Variants in ST3GAL3 observed in about 807,000 individuals in gnomAD.
ST3GAL3 encodes ST3 beta-galactoside alpha-2,3-sialyltransferase 3, also known as CMP-N-acetylneuraminate-beta-1,4-galactoside alpha-2,3-sialyltransferase.
In ST3GAL3, 21 loss-of-function variants were observed where a neutral mutation model predicts 50.1. That is an observed-to-expected ratio of 0.42 (90% CI 0.30 to 0.60). The LOEUF (loss-of-function observed/expected upper bound fraction) is 0.60, where lower values mean the gene tolerates loss of function less well. Among genes scored for constraint, ST3GAL3 ranks in the 20% least tolerant of loss-of-function variants. The probability of loss-of-function intolerance (pLI) is 0.19; values close to 1 mark genes in which losing one functional copy is unlikely to be tolerated. For missense variants in ST3GAL3, 353 were observed against 489.4 expected, an observed-to-expected ratio of 0.72 and a Z score of 2.63; for synonymous variants, 183 against 190.0, an observed-to-expected ratio of 0.96 and a Z score of 0.30.
At chr1:43,918,105 AT>A (rs1296840171) in intron 9 of ST3GAL3, among the ~76,000 whole-genome samples, 2 of 105,386 alleles carry the variant, frequency 1.9e-5, no homozygotes, top group African/African-American at 3.1e-5. Flanking sequence ...AGACATCTAA[AT>A]TTTTTTCTTT....
rs745596648 is a variant in ST3GAL3 at position 43,894,518 on chromosome 1, C to T, written c.397+41C>T. 5.1e-6 allele frequency: 8 copies of T among 1,562,348 alleles called. No individual in the cohort carries two copies. The Admixed American group carries it at 1.0e-4, about 20-fold the overall frequency. On this transcript the variant is annotated intron_variant, in intron 6 of 11. Coordinates refer to ENST00000347631, the MANE Select transcript of ST3GAL3 (RefSeq NM_006279.5). ...TGACCTACATTAACATCTCATCCCCCCGACTGTCTCCCTGTCCTTCAGACA... is the reference window on the plus strand; with the variant it reads ...TGACCTACATTAACATCTCATCCCCTCGACTGTCTCCCTGTCCTTCAGACA...
intron 5 of ST3GAL3, among the ~76,000 whole-genome samples, chr1:43,854,248 A>G (rs996616654): frequency 5.9e-5 from 9 of 152,036 alleles, no homozygotes; most frequent in Non-Finnish European, 1.3e-4. Flanking sequence ...CCGCTTCCTC[A>G]TGTCCCTCTA....
chr1:43,857,994 G>A (rs2068935491), intron 5 of ST3GAL3: 2 of 441,204 alleles, frequency 4.5e-6, no homozygotes, highest in South Asian at 2.2e-5. Flanking sequence ...AATTTAAAAA[G>A]CAAAACCAAC....
chr1:43,834,520 C>T (rs2063998361), intron 4 of ST3GAL3, among the ~76,000 whole-genome samples: 1 of 152,166 alleles, frequency 6.6e-6, no homozygotes, highest in Non-Finnish European at 1.5e-5. Context: ...CTTACTGGAC[C>T]TCCACAGTGT....
intron 5 of ST3GAL3, among the ~76,000 whole-genome samples, chr1:43,846,920 C>T (rs1295654453): frequency 6.6e-6 from 1 of 151,992 alleles, no homozygotes; most frequent in Non-Finnish European, 1.5e-5. Context: ...TTAATGTTGT[C>T]CAGAAAATAT....
intron 2 of ST3GAL3, among the ~76,000 whole-genome samples, chr1:43,749,308 A>G (rs555286199): frequency 1.3e-5 from 2 of 152,376 alleles, no homozygotes; most frequent in South Asian, 4.1e-4. Context: ...ATATTTATCA[A>G]TTGTATCCAT....
chr1:43,735,488 G>T (rs895384388), intron 1 of ST3GAL3, among the ~76,000 whole-genome samples: 1 of 152,196 alleles, frequency 6.6e-6, no homozygotes, highest in Non-Finnish European at 1.5e-5. Context: ...TAGGCCTGAA[G>T]GCTGGCCCCT....
chr1:43,857,708 C>T (rs1040183279), intron 5 of ST3GAL3, among the ~76,000 whole-genome samples: 13 of 151,524 alleles, frequency 8.6e-5, no homozygotes, highest in African/African-American at 2.9e-4. Flanking sequence ...CTCCACCTCC[C>T]AGGTTTAAGA....
At chr1:43,753,282 A>G (rs1686865914) in intron 2 of ST3GAL3, among the ~76,000 whole-genome samples, 1 of 152,208 alleles carries the variant, frequency 6.6e-6, no homozygotes, top group East Asian at 1.9e-4. Context: ...GCTTAATGAA[A>G]TAGTGGTATA....
At chr1:43,872,600 GTAT>G (rs1350534126) in intron 5 of ST3GAL3, among the ~76,000 whole-genome samples, 1 of 152,054 alleles carries the variant, frequency 6.6e-6, no homozygotes, top group Non-Finnish European at 1.5e-5. Context: ...GAGGTAGTAG[GTAT>G]TATTAGCCCC....
intron 5 of ST3GAL3, among the ~76,000 whole-genome samples, chr1:43,865,001 CAG>C (rs1388230475): frequency 6.7e-6 from 1 of 149,760 alleles, no homozygotes; most frequent in Non-Finnish European, 1.5e-5. Context: ...CTAGTGTAAA[CAG>C]AGTATCTATG....
chr1:43,713,157 G>A (rs1218742497), intron 1 of ST3GAL3, among the ~76,000 whole-genome samples: 2 of 152,194 alleles, frequency 1.3e-5, no homozygotes, highest in Non-Finnish European at 2.9e-5. Flanking sequence ...GGATAGTTAC[G>A]CTGGTGCAAC....
Position 43,899,342 on chromosome 1 carries a change from C to A in ST3GAL3, c.557+79C>A. ...CCTGAGCCCATTGAGAACTGTCTGT[C>A]TGGCTAGTTGGGCTGGAGGTCAACG... On this transcript the variant is annotated intron_variant, in intron 8 of 11. Coordinates refer to ENST00000347631, the MANE Select transcript of ST3GAL3 (RefSeq NM_006279.5). This position sits in a 1 kb window ranked among gnomAD's most constrained non-coding sequence, Gnocchi z 5.4. 1.2e-6 allele frequency: 2 copies of A among 1,612,120 alleles called. No individual in the cohort carries two copies. The highest frequency in any genetic ancestry group is 2.2e-5 in the South Asian group (2 of 90,848).
chr1:43,922,176 G>A (rs934733145), intron 11 of ST3GAL3: 17 of 154,734 alleles, frequency 1.1e-4, no homozygotes, highest in Non-Finnish European at 2.9e-5. Context: ...GAGCAGCCTG[G>A]GCAACATGGT....
intron 1 of ST3GAL3, among the ~76,000 whole-genome samples, chr1:43,723,447 C>T (rs371439999): frequency 1.3e-5 from 2 of 152,046 alleles, no homozygotes; most frequent in African/African-American, 2.4e-5. Context: ...GCTCCCTTTC[C>T]GCTTCTGCCA....
chr1:43,770,030 AC>A (rs978441013), intron 2 of ST3GAL3, among the ~76,000 whole-genome samples: 1 of 152,242 alleles, frequency 6.6e-6, no homozygotes, highest in Admixed American at 6.5e-5. Flanking sequence ...AATAATTTAA[AC>A]TATAACTTGA....
intron 2 of ST3GAL3, among the ~76,000 whole-genome samples, chr1:43,748,245 CA>C (rs1352986886): frequency 6.6e-6 from 1 of 151,726 alleles, no homozygotes; most frequent in East Asian, 1.9e-4. Context: ...GCAATAGCAT[CA>C]AAAAAATAAG....
Position 43,726,228 on chromosome 1 carries a change from G to A in ST3GAL3, c.-30-10005G>A, listed in dbSNP as rs928212651. ...GATTTCTCAACTTCAAAGTTACTCT[G>A]TTCCCCTCTGTTAATAATTAGTGAG... is the stretch of plus-strand genomic sequence containing the variant. On this transcript the variant is annotated intron_variant, in intron 1 of 11. Transcript: ENST00000347631. Among the ~76,000 whole-genome samples, 5 of 152,148 alleles carry A rather than the reference G, an allele frequency of 3.3e-5. No homozygotes were observed. The East Asian group carries it at 9.6e-4, about 29-fold the overall frequency.
At chr1:43,810,762 C>T (rs1262535359) in intron 3 of ST3GAL3, among the ~76,000 whole-genome samples, 1 of 152,108 alleles carries the variant, frequency 6.6e-6, no homozygotes, top group Admixed American at 6.5e-5. Context: ...GGGCGAGGGG[C>T]GAATGCAATC....
Sources: allele counts gnomAD v4.1 joint callset (sites outside exome capture counted in the v4.1 genomes callset), GRCh38; gene constraint gnomAD v4.1.1; non-coding constraint Gnocchi (gnomAD v3.1); transcripts MANE v1.5; gene names NCBI Gene and HGNC (gene_info 2026-07-23, HGNC 2026-07-21).